AHCYL2: variants seen among roughly 807,000 people sequenced by gnomAD.
AHCYL2 encodes S-adenosylhomocysteine hydrolase-like protein 2.
A neutral mutation model predicts 81.4 loss-of-function variants in AHCYL2; 28 were observed. That is an observed-to-expected ratio of 0.34 (90% CI 0.25 to 0.47). The LOEUF (loss-of-function observed/expected upper bound fraction) is 0.47, where lower values mean the gene tolerates loss of function less well. Ranked by LOEUF, AHCYL2 falls within the 20% of genes least tolerant of loss-of-function variation. The pLI, the probability that AHCYL2 is intolerant of heterozygous loss-of-function variation, is 1.00. For missense variants in AHCYL2, 551 were observed against 785.1 expected, an observed-to-expected ratio of 0.70 and a Z score of 3.56; for synonymous variants, 272 against 290.2, an observed-to-expected ratio of 0.94 and a Z score of 0.64.
chr7:129,245,566 G>C (rs1795023449), intron 1 of AHCYL2, among the ~76,000 whole-genome samples: 1 of 130,708 alleles, frequency 7.7e-6, no homozygotes, highest in Admixed American at 8.0e-5. Flanking sequence ...TTATGAATTT[G>C]ACTTCTCTAG....
At chr7:129,337,835 C>T (rs1798659474) in intron 1 of AHCYL2, among the ~76,000 whole-genome samples, 1 of 152,208 alleles carries the variant, frequency 6.6e-6, no homozygotes, top group Non-Finnish European at 1.5e-5. Flanking sequence ...CCTCCACCTC[C>T]CGGGTTCAAG....
intron 1 of AHCYL2, among the ~76,000 whole-genome samples, chr7:129,252,937 G>A (rs1795292307): frequency 6.6e-6 from 1 of 152,126 alleles, no homozygotes; most frequent in South Asian, 2.1e-4. Context: ...AGCCGGGCAC[G>A]GTGGCTCATG....
chr7:129,325,365 A>ATG (rs1305629252), intron 1 of AHCYL2, among the ~76,000 whole-genome samples: 1 of 152,142 alleles, frequency 6.6e-6, no homozygotes, highest in Non-Finnish European at 1.5e-5. Context: ...TGTCACTTGC[A>ATG]TGGTTTCCTA....
intron 1 of AHCYL2, among the ~76,000 whole-genome samples, chr7:129,271,659 T>A (rs968826383): frequency 2.0e-5 from 3 of 152,180 alleles, no homozygotes; most frequent in African/African-American, 4.8e-5. Context: ...TGGGTGATAG[T>A]TACATGGCTG....
chr7:129,317,150 A>G (rs549426610), intron 1 of AHCYL2, among the ~76,000 whole-genome samples: 11 of 152,318 alleles, frequency 7.2e-5, no homozygotes, highest in South Asian at 2.1e-4. Flanking sequence ...AGCCCACAGT[A>G]TACTTAGATT....
chr7:129,389,325 A>G, intron 3 of AHCYL2, 126 bp downstream of exon 3: 2 of 1,170,644 alleles, frequency 1.7e-6, no homozygotes, highest in Non-Finnish European at 2.4e-6. Flanking sequence ...TTATAACAAA[A>G]GAAATGTGAG....
intron 1 of AHCYL2, among the ~76,000 whole-genome samples, chr7:129,342,618 C>T (rs887901480): frequency 1.3e-5 from 2 of 152,110 alleles, no homozygotes; most frequent in African/African-American, 2.4e-5. Context: ...CTGTTCTAAA[C>T]GCAGTATTAT....
In AHCYL2 at chr7:129,368,541, C is replaced by T; in HGVS notation, c.364-11097C>T. On this transcript the variant is annotated intron_variant, in intron 1 of 16. Transcript: ENST00000325006. This position sits in a 1 kb window ranked among gnomAD's most constrained non-coding sequence, Gnocchi z 4.4. ...GAGGGCACCTCAGCTTTTCACATGC[C>T]TGAGTGGATGGTGAGTTCACTGGTC... 1 of 1,613,968 alleles carries T rather than the reference C, an allele frequency of 6.2e-7. No homozygotes were observed. Among genetic ancestry groups the T allele is most frequent in the Non-Finnish European group, 8.5e-7 (1 of 1,179,886 alleles).
At chr7:129,225,642 C>A (rs1000812240) in intron 1 of AHCYL2, among the ~76,000 whole-genome samples, 3 of 152,126 alleles carry the variant, frequency 2.0e-5, no homozygotes, top group African/African-American at 7.2e-5. Flanking sequence ...GAGGCACGGC[C>A]GTACTTCGCT....
chr7:129,406,322 G>A lies in AHCYL2; in HGVS notation c.1207-56G>A. ...GGGGGTGCACTTTACCAGAAGCTTT[G>A]AGAAATGGTTTTCTCAGTGACTTTC... is the stretch of plus-strand genomic sequence containing the variant. On this transcript the variant is annotated intron_variant, in intron 9 of 16. Transcript: ENST00000325006. This position sits in a 1 kb window ranked among gnomAD's most constrained non-coding sequence, Gnocchi z 4.3. 6.5e-7 allele frequency: 1 copy of A among 1,541,770 alleles called. No individual in the cohort carries two copies. Among genetic ancestry groups the A allele is most frequent in the Non-Finnish European group, 9.0e-7 (1 of 1,115,498 alleles).
chr7:129,415,765 A>G (rs545856788), intron 12 of AHCYL2, among the ~76,000 whole-genome samples: 32 of 152,306 alleles, frequency 2.1e-4, no homozygotes, highest in Non-Finnish European at 4.0e-4. Flanking sequence ...AGTCTAGGCA[A>G]CATAGTGAGA....
chr7:129,277,106 A>G (rs1180110870), intron 1 of AHCYL2, among the ~76,000 whole-genome samples: 2 of 152,202 alleles, frequency 1.3e-5, no homozygotes, highest in African/African-American at 4.8e-5. Flanking sequence ...CTAATTGAAA[A>G]GAGGCACAGA....
intron 1 of AHCYL2, among the ~76,000 whole-genome samples, chr7:129,261,183 T>C (rs774152702): frequency 1.3e-5 from 2 of 152,264 alleles, no homozygotes; most frequent in Non-Finnish European, 2.9e-5. Flanking sequence ...CAGCACGTTG[T>C]TTCTATATGT....
chr7:129,362,197 T>C (rs1793953332), intron 1 of AHCYL2, among the ~76,000 whole-genome samples: 1 of 152,178 alleles, frequency 6.6e-6, no homozygotes, highest in African/African-American at 2.4e-5. Context: ...TTCAAAAAGG[T>C]TGTGTAGCCT....
chr7:129,258,664 A>G (rs1337108790), intron 1 of AHCYL2, among the ~76,000 whole-genome samples: 1 of 150,894 alleles, frequency 6.6e-6, no homozygotes, highest in East Asian at 2.0e-4. Context: ...GATAGAATGG[A>G]GTGTAGGAAA....
intron 1 of AHCYL2, among the ~76,000 whole-genome samples, chr7:129,300,472 A>C (rs1227313590): frequency 6.6e-6 from 1 of 152,220 alleles, no homozygotes; most frequent in Non-Finnish European, 1.5e-5. Context: ...AAATGACAGG[A>C]TCTCATTCTT....
intron 1 of AHCYL2, among the ~76,000 whole-genome samples, chr7:129,316,122 A>G (rs1797818174): frequency 6.6e-6 from 1 of 152,218 alleles, no homozygotes; most frequent in African/African-American, 2.4e-5. Flanking sequence ...GAATTGTGCC[A>G]CGGCATAGGG....
intron 1 of AHCYL2, among the ~76,000 whole-genome samples, chr7:129,343,016 A>G (rs1021812313): frequency 5.9e-5 from 9 of 152,218 alleles, no homozygotes; most frequent in Admixed American, 5.9e-4. Flanking sequence ...ATAGGGAAGT[A>G]TACTATGGGG....
At chr7:129,351,222 G>A (rs1793552336) in intron 1 of AHCYL2, among the ~76,000 whole-genome samples, 1 of 152,034 alleles carries the variant, frequency 6.6e-6, no homozygotes, top group Non-Finnish European at 1.5e-5. Context: ...GAACACTTTT[G>A]GATTTTAAAA....
Sources: gnomAD v4.1 joint callset for allele counts (sites outside exome capture counted in the v4.1 genomes callset) on GRCh38, gnomAD v4.1.1 for gene constraint, Gnocchi (gnomAD v3.1) non-coding constraint, MANE v1.5 for transcripts, NCBI Gene and HGNC (gene_info 2026-07-23, HGNC 2026-07-21) for gene names.